The following CBFA2T2 variants were observed in gnomAD, a reference collection of about 807,000 sequenced individuals.
CBFA2T2 encodes CBFA2/RUNX1 partner transcriptional co-repressor 2.
A neutral mutation model predicts 62.2 loss-of-function variants in CBFA2T2; 11 were observed. That is an observed-to-expected ratio of 0.18 (90% CI 0.11 to 0.29). CBFA2T2 has a LOEUF of 0.29. Among genes scored for constraint, CBFA2T2 ranks in the 10% least tolerant of loss-of-function variants. CBFA2T2 has a pLI of 1.00. For synonymous variants in CBFA2T2, 295 were observed against 287.5 expected, an observed-to-expected ratio of 1.03 and a Z score of -0.27; for missense variants, 592 against 774.1, an observed-to-expected ratio of 0.76 and a Z score of 2.79.
intron 1 of CBFA2T2, among the ~76,000 whole-genome samples, chr20:33,499,791 TG>T (rs2011248169): frequency 6.6e-6 from 1 of 152,134 alleles, no homozygotes; most frequent in African/African-American, 2.4e-5. Context: ...AAGGAAATCC[TG>T]GGCGACAGAG....
chr20:33,554,206 G>GA (rs997957558), intron 1 of CBFA2T2, among the ~76,000 whole-genome samples: 1 of 151,462 alleles, frequency 6.6e-6, no homozygotes, highest in African/African-American at 2.4e-5. Context: ...TTATTACAAT[G>GA]AAAAGCAAAT....
chr20:33,529,541 C>T (rs916330485), intron 1 of CBFA2T2, among the ~76,000 whole-genome samples: 1 of 151,372 alleles, frequency 6.6e-6, no homozygotes, highest in Non-Finnish European at 1.5e-5. Flanking sequence ...AAGGCTGAGG[C>T]AGGTGAATCT....
chr20:33,498,180 C>T (rs2011224477), intron 1 of CBFA2T2, among the ~76,000 whole-genome samples: 1 of 151,926 alleles, frequency 6.6e-6, no homozygotes. Flanking sequence ...ATCCACCTGC[C>T]TTGGCCTCCC....
chr20:33,548,727 A>G (rs1168998372), intron 1 of CBFA2T2, among the ~76,000 whole-genome samples: 1 of 152,162 alleles, frequency 6.6e-6, no homozygotes, highest in African/African-American at 2.4e-5. Flanking sequence ...TGGGAGGCCA[A>G]AATGGGGAGA....
intron 1 of CBFA2T2, among the ~76,000 whole-genome samples, chr20:33,495,386 CAAAAAAA>C (rs1214253879): frequency 0.05 from 2,693 of 53,392 alleles, 112 homozygotes; most frequent in African/African-American, 0.16. Flanking sequence ...AACTCTATCT[CAAAAAAA>C]AAAAAAAAAA....
intron 1 of CBFA2T2, among the ~76,000 whole-genome samples, chr20:33,513,881 G>T (rs2011552558): frequency 6.7e-6 from 1 of 148,842 alleles, no homozygotes; most frequent in Non-Finnish European, 1.5e-5. Context: ...ATAAGTACTT[G>T]CTGTTTTTTG....
intron 1 of CBFA2T2, chr20:33,600,316 T>A (rs1306497920): frequency 5.2e-6 from 1 of 191,180 alleles, no homozygotes; most frequent in Non-Finnish European, 1.1e-5. Flanking sequence ...CTCAGCCTCC[T>A]GAGCAGCTGG....
At position 33,619,552 on chromosome 20, in the gene CBFA2T2, G is replaced by A; in HGVS notation, c.456G>A (p.Lys152=). Reference sequence around the variant, plus strand: ...TGACAATTGAGGAATTCCACTGTAAGCTCCAAGAAGCCACAAACTTTCCCC... The same window carrying A: ...TGACAATTGAGGAATTCCACTGTAAACTCCAAGAAGCCACAAACTTTCCCC... The part of the protein sequence containing the change: ...STVTIEEFHC[K]LQEATNFPLR... The change falls in exon 4 of 11, where the codon AAG becomes AAA. Residue 152 remains lysine, a synonymous_variant. Transcript: ENST00000342704. 1 of 1,608,862 alleles carries A rather than the reference G, an allele frequency of 6.2e-7. No individual in the cohort carries two copies. The highest frequency in any genetic ancestry group is 8.5e-7 in the Non-Finnish European group (1 of 1,177,930).
chr20:33,627,911 C>G (rs1309089527), intron 6 of CBFA2T2, among the ~76,000 whole-genome samples: 1 of 152,118 alleles, frequency 6.6e-6, no homozygotes, highest in Admixed American at 6.6e-5. Context: ...ACTATCCCCC[C>G]ACCAAAAAAA....
chr20:33,551,435 C>T (rs986408211), intron 1 of CBFA2T2, among the ~76,000 whole-genome samples: 11 of 151,038 alleles, frequency 7.3e-5, no homozygotes, highest in African/African-American at 1.2e-4. Context: ...AGGCTGGTCT[C>T]GAACTCCCGA....
chr20:33,586,381 G>C (rs930986207), intron 1 of CBFA2T2, among the ~76,000 whole-genome samples: 1 of 152,010 alleles, frequency 6.6e-6, no homozygotes, highest in Non-Finnish European at 1.5e-5. Context: ...TGATCCGCTC[G>C]CCTCAGCCTC....
chr20:33,582,129 A>G (rs1412663871), intron 1 of CBFA2T2, among the ~76,000 whole-genome samples: 1 of 152,150 alleles, frequency 6.6e-6, no homozygotes, highest in East Asian at 1.9e-4. Context: ...TTGGAATATC[A>G]GCTTCAAGTT....
At chr20:33,561,203 G>A (rs1035609444) in intron 1 of CBFA2T2, among the ~76,000 whole-genome samples, 1 of 151,852 alleles carries the variant, frequency 6.6e-6, no homozygotes, top group Non-Finnish European at 1.5e-5. Context: ...TTTTAAAGAT[G>A]GGGTCTCACT....
intron 1 of CBFA2T2, among the ~76,000 whole-genome samples, chr20:33,591,467 CAAAAAAAAAA>C (rs11475752): frequency 2.0e-5 from 2 of 98,080 alleles, no homozygotes; most frequent in Non-Finnish European, 4.5e-5. Context: ...GAGTAAATCT[CAAAAAAAAAA>C]AAAAAAAAGA....
At chr20:33,574,130 G>A in intron 1 of CBFA2T2, 1 of 1,557,916 alleles carries the variant, frequency 6.4e-7, no homozygotes, top group Non-Finnish European at 8.7e-7. Context: ...GGTAGTTTTT[G>A]TGGAGCACAA....
intron 1 of CBFA2T2, among the ~76,000 whole-genome samples, chr20:33,592,189 C>G (rs1271767343): frequency 6.6e-6 from 1 of 151,754 alleles, no homozygotes. Context: ...ATGGGGAAAC[C>G]CCATCTCTAC....
At chr20:33,562,536 C>T in intron 1 of CBFA2T2, 1 of 985,798 alleles carries the variant, frequency 1.0e-6, no homozygotes, top group Non-Finnish European at 1.2e-6. Context: ...ACATGTCCAG[C>T]TAATGAAAGG....
intron 8 of CBFA2T2, 88 bp from the exon 9 acceptor site, chr20:33,636,552 C>CT (rs1272422651): frequency 9.7e-6 from 9 of 931,210 alleles, no homozygotes; most frequent in South Asian, 5.9e-5. Flanking sequence ...ATGTTTGAGT[C>CT]TAAGTGGTGA....
chr20:33,503,402 C>T (rs1201333373), intron 1 of CBFA2T2, among the ~76,000 whole-genome samples: 2 of 151,376 alleles, frequency 1.3e-5, no homozygotes, highest in African/African-American at 4.9e-5. Context: ...TTACAGGCGC[C>T]CGCCATCAGG....
Sources: allele counts gnomAD v4.1 joint callset (sites outside exome capture counted in the v4.1 genomes callset), GRCh38; gene constraint gnomAD v4.1.1; transcripts MANE v1.5; gene names NCBI Gene and HGNC (gene_info 2026-07-23, HGNC 2026-07-21).